LRRIQ1: variants seen among roughly 807,000 people sequenced by gnomAD.
LRRIQ1 encodes the protein leucine-rich repeat- and IQ domain-containing protein 1.
A neutral mutation model predicts 211.9 loss-of-function variants in LRRIQ1; 210 were observed. The observed-to-expected ratio is 0.99, with a 90% CI of 0.89 to 1.11. The LOEUF (loss-of-function observed/expected upper bound fraction) is 1.11. Ranked by LOEUF, LRRIQ1 falls within the 50% of genes most tolerant of loss-of-function variation. LRRIQ1 has a pLI of 0.00. For missense variants in LRRIQ1, 2,136 were observed against 1,939.5 expected (o/e 1.10, Z -1.90); for synonymous variants, 699 against 650.1 (o/e 1.08, Z -1.14).
chr12:85,141,716 T>C (rs1889553252), intron 19 of LRRIQ1, among the ~76,000 whole-genome samples: 1 of 151,264 alleles, frequency 6.6e-6, no homozygotes, highest in Non-Finnish European at 1.5e-5. Flanking sequence ...TATATTTTAT[T>C]CTGGCATTAT....
chr12:85,062,755 T>C (rs1881985996), intron 8 of LRRIQ1, among the ~76,000 whole-genome samples: 1 of 151,736 alleles, frequency 6.6e-6, no homozygotes, highest in South Asian at 2.1e-4. Context: ...GTTCAACTCT[T>C]AGTTCTTTGA....
chr12:85,217,101 CTG>C lies in LRRIQ1; in HGVS notation c.4823-12414_4823-12413del, dbSNP rs1053823929. On this transcript the variant is annotated intron_variant, in intron 24 of 26. Coordinates refer to ENST00000393217, the MANE Select transcript of LRRIQ1 (RefSeq NM_001079910.2). Reference sequence around the variant, plus strand: ...TTCAGTATTTCATTTGAACTTATCTCTGTATCAGAAACTTATCTATATAATTC... The same window carrying C: ...TTCAGTATTTCATTTGAACTTATCTCTATCAGAAACTTATCTATATAATTC... Among the ~76,000 whole-genome samples the C allele has an allele frequency of 2.6e-5, 4 of 151,636 alleles. 1 individual carries two copies. The highest frequency in any genetic ancestry group is 9.7e-5 in the African/African-American group (4 of 41,336).
intron 15 of LRRIQ1, among the ~76,000 whole-genome samples, chr12:85,111,087 T>G (rs1433454204): frequency 5.3e-5 from 8 of 152,100 alleles, no homozygotes; most frequent in African/African-American, 1.9e-4. Context: ...CAATACTAGA[T>G]TATTTCTTGT....
intron 18 of LRRIQ1, among the ~76,000 whole-genome samples, chr12:85,133,680 G>A (rs1202843342): frequency 1.3e-5 from 2 of 152,070 alleles, no homozygotes; most frequent in Non-Finnish European, 2.9e-5. Flanking sequence ...CATGTTGGAT[G>A]GGTAAAGGAG....
chr12:85,066,724 A>C, intron 9 of LRRIQ1, 24 bp from the exon 10 acceptor site: 2 of 1,566,292 alleles, frequency 1.3e-6, no homozygotes, highest in Non-Finnish European at 1.7e-6. Flanking sequence ...AAATAAAACT[A>C]ATTACATTTG....
At chr12:85,266,201 A>G (rs1896415211), downstream of LRRIQ1, among the ~76,000 whole-genome samples, 2 of 152,086 alleles carry the variant, frequency 1.3e-5, no homozygotes, top group Admixed American at 6.6e-5. Context: ...AATCTATTTC[A>G]TATCAGGTTT....
At chr12:85,152,857 A>G (rs1408625216) in intron 20 of LRRIQ1, among the ~76,000 whole-genome samples, 167 bp from the exon 21 acceptor site, 1 of 151,586 alleles carries the variant, frequency 6.6e-6, no homozygotes, top group Admixed American at 6.6e-5. Flanking sequence ...CACCACTACA[A>G]CAAAGGACAT....
chr12:85,202,246 T>C (rs938685226), intron 24 of LRRIQ1, among the ~76,000 whole-genome samples: 3 of 152,188 alleles, frequency 2.0e-5, no homozygotes, highest in African/African-American at 7.2e-5. Context: ...CATAAGCAGG[T>C]GAAAAGAATT....
At chr12:85,267,000 G>A (rs189864062), downstream of LRRIQ1, among the ~76,000 whole-genome samples, 3 of 152,258 alleles carry the variant, frequency 2.0e-5, no homozygotes, top group Middle Eastern at 6.8e-3. Context: ...GAGCAGAGGT[G>A]AGAAAGCACT....
chr12:85,168,326 TC>T (rs2136787315), intron 24 of LRRIQ1, among the ~76,000 whole-genome samples: 1 of 152,246 alleles, frequency 6.6e-6, no homozygotes, highest in Admixed American at 6.5e-5. Flanking sequence ...CCACTCATAT[TC>T]CGCCTTACCT....
intron 18 of LRRIQ1, among the ~76,000 whole-genome samples, chr12:85,130,564 T>A (rs915190924): frequency 6.6e-6 from 1 of 152,194 alleles, no homozygotes; most frequent in Non-Finnish European, 1.5e-5. Flanking sequence ...AAAGGAAGCA[T>A]CATTCAGTCT....
intron 24 of LRRIQ1, among the ~76,000 whole-genome samples, chr12:85,183,308 A>G (rs1010477062): frequency 4.6e-5 from 7 of 152,212 alleles, no homozygotes; most frequent in Non-Finnish European, 1.0e-4. Context: ...ATCACTTTTC[A>G]TACATTTTTG....
intron 24 of LRRIQ1, among the ~76,000 whole-genome samples, chr12:85,183,871 T>C (rs1262183660): frequency 1.3e-5 from 2 of 152,140 alleles, no homozygotes; most frequent in Non-Finnish European, 2.9e-5. Flanking sequence ...TATACTCTTA[T>C]AAAATCTGTT....
Position 85,046,151 on chromosome 12 carries a change from C to G in LRRIQ1, c.454+14C>G, listed in dbSNP as rs751719623. 16 of 1,436,340 alleles carry G rather than the reference C, an allele frequency of 1.1e-5. No homozygotes were observed. The South Asian group carries it at 1.7e-4, about 15-fold the overall frequency. The allele number at this position is 1,436,340 out of a possible 1,614,324, so 89.0% of individuals were successfully genotyped here. A position where few individuals can be genotyped will look rare whatever the true frequency, so the allele number is the denominator to read the frequency against. On this transcript the variant is annotated intron_variant, in intron 5 of 26. Coordinates refer to ENST00000393217, the MANE Select transcript of LRRIQ1 (RefSeq NM_001079910.2). ...ATGTTTTACCAGGTGGACTAAATTGCTCAATGATATGTTTGTTGATTTTTA... is the reference window on the plus strand; with the variant it reads ...ATGTTTTACCAGGTGGACTAAATTGGTCAATGATATGTTTGTTGATTTTTA...
intron 26 of LRRIQ1, among the ~76,000 whole-genome samples, chr12:85,244,176 G>C (rs1451680668): frequency 6.6e-6 from 1 of 151,268 alleles, no homozygotes; most frequent in Non-Finnish European, 1.5e-5. Context: ...AAATTCAAAG[G>C]CAATTTGAGA....
chr12:85,149,547 G>A (rs567543670), intron 19 of LRRIQ1, among the ~76,000 whole-genome samples: 36 of 151,798 alleles, frequency 2.4e-4, no homozygotes, highest in African/African-American at 8.0e-4. Context: ...ACTGAAATTT[G>A]TATAAATTTG....
intron 11 of LRRIQ1, among the ~76,000 whole-genome samples, chr12:85,096,043 C>T (rs190531037): frequency 2.1e-4 from 31 of 150,472 alleles, no homozygotes; most frequent in Non-Finnish European, 3.9e-4. Context: ...TTATTTGGAT[C>T]TTCTCTCATT....
chr12:85,089,471 G>A (rs997116874), intron 11 of LRRIQ1, among the ~76,000 whole-genome samples: 12 of 152,212 alleles, frequency 7.9e-5, no homozygotes, highest in Non-Finnish European at 1.8e-4. Context: ...TGCTGATAGT[G>A]ATATGGACAG....
intron 6 of LRRIQ1, 117 bp from the exon 7 acceptor site, chr12:85,052,060 G>A (rs1880392885): frequency 1.8e-6 from 1 of 549,120 alleles, no homozygotes. Flanking sequence ...GAAAGCCATT[G>A]GTTGGGTTGT....
Sources: gnomAD v4.1 joint callset for allele counts (sites outside exome capture counted in the v4.1 genomes callset) on GRCh38, gnomAD v4.1.1 for gene constraint, MANE v1.5 for transcripts, NCBI Gene and HGNC (gene_info 2026-07-23, HGNC 2026-07-21) for gene names.